The following ERC2 variants were observed in gnomAD, a reference collection of about 807,000 sequenced individuals.
ERC2 encodes the protein ERC protein 2.
ERC2 carries 42 observed loss-of-function variants against 114.8 expected under a neutral mutation model. The observed-to-expected ratio is 0.37, with a 90% CI of 0.29 to 0.47. The LOEUF is 0.47. Among genes scored for constraint, ERC2 ranks in the 20% least tolerant of loss-of-function variants. The probability of loss-of-function intolerance (pLI) is 0.99; values close to 1 mark genes in which losing one functional copy is unlikely to be tolerated. For missense variants in ERC2, 939 were observed against 1,150.7 expected, an observed-to-expected ratio of 0.82 and a Z score of 2.66; for synonymous variants, 454 against 425.5, an observed-to-expected ratio of 1.07 and a Z score of -0.82.
At chr3:56,027,179 T>C (rs572958390) in intron 7 of ERC2, among the ~76,000 whole-genome samples, 2 of 152,306 alleles carry the variant, frequency 1.3e-5, no homozygotes, top group East Asian at 1.9e-4. Flanking sequence ...AGGTATTCCA[T>C]GGCATGGATA....
At chr3:55,684,797 A>G (rs1415711329) in intron 16 of ERC2, among the ~76,000 whole-genome samples, 1 of 152,208 alleles carries the variant, frequency 6.6e-6, no homozygotes, top group African/African-American at 2.4e-5. Flanking sequence ...GTTTACTGCA[A>G]GGATTGAAAC....
intron 3 of ERC2, among the ~76,000 whole-genome samples, chr3:56,174,179 C>T (rs992461114): frequency 1.3e-5 from 2 of 152,120 alleles, no homozygotes; most frequent in Non-Finnish European, 2.9e-5. Context: ...CAGATGTGGA[C>T]CCAAAAACCC....
intron 6 of ERC2, among the ~76,000 whole-genome samples, chr3:56,088,056 C>T (rs17825171): frequency 0.18 from 27,135 of 152,082 alleles, 2,582 homozygotes; most frequent in African/African-American, 0.23. Context: ...GCTGTGTTTT[C>T]TTCAGGAAAT....
chr3:55,652,233 T>C (rs1314915171), intron 17 of ERC2, among the ~76,000 whole-genome samples: 1 of 152,230 alleles, frequency 6.6e-6, no homozygotes, highest in Non-Finnish European at 1.5e-5. Flanking sequence ...CATCTACAAC[T>C]GGAAAGCAGG....
At chr3:56,066,813 C>T (rs540072939) in intron 7 of ERC2, among the ~76,000 whole-genome samples, 37 of 152,274 alleles carry the variant, frequency 2.4e-4, no homozygotes, top group African/African-American at 8.4e-4. Context: ...GGAATCTTTT[C>T]CCCATTGCTT....
At chr3:55,957,242 T>C (rs1352347798) in intron 12 of ERC2, among the ~76,000 whole-genome samples, 1 of 152,110 alleles carries the variant, frequency 6.6e-6, no homozygotes, top group Non-Finnish European at 1.5e-5. Context: ...CCTGATAAAA[T>C]GGTTGAATCA....
intron 1 of ERC2, among the ~76,000 whole-genome samples, chr3:56,443,064 G>C (rs2062391738): frequency 1.3e-5 from 2 of 152,146 alleles, no homozygotes; most frequent in Non-Finnish European, 2.9e-5. Context: ...ATAATGACTA[G>C]TTGAAGTTTC....
intron 16 of ERC2, among the ~76,000 whole-genome samples, chr3:55,698,448 A>G (rs1399317470): frequency 6.6e-6 from 1 of 152,190 alleles, no homozygotes; most frequent in Non-Finnish European, 1.5e-5. Flanking sequence ...TTTTCGGAGC[A>G]TCACAAGTAC....
intron 17 of ERC2, among the ~76,000 whole-genome samples, chr3:55,600,849 T>C (rs1214952151): frequency 6.6e-6 from 1 of 152,230 alleles, no homozygotes; most frequent in Admixed American, 6.5e-5. Context: ...CCTGGGCAAG[T>C]ACCCACGTGG....
At chr3:55,535,886 C>G (rs1480274360) in intron 17 of ERC2, among the ~76,000 whole-genome samples, 1 of 152,068 alleles carries the variant, frequency 6.6e-6, no homozygotes, top group Non-Finnish European at 1.5e-5. Context: ...CCCAGCTACT[C>G]AGGAGGCTGA....
At chr3:55,803,348 G>A (rs895331853) in intron 14 of ERC2, among the ~76,000 whole-genome samples, 17 of 152,056 alleles carry the variant, frequency 1.1e-4, no homozygotes, top group Middle Eastern at 3.4e-3. Flanking sequence ...TAAACATAAC[G>A]ATGAAAATTT....
At chr3:56,195,441 A>C (rs1196566085) in intron 3 of ERC2, among the ~76,000 whole-genome samples, 1 of 152,062 alleles carries the variant, frequency 6.6e-6, no homozygotes, top group African/African-American at 2.4e-5. Flanking sequence ...AAAATCGTGG[A>C]TAAGGGGGAA....
At chr3:55,884,080 G>A (rs915498416) in intron 14 of ERC2, among the ~76,000 whole-genome samples, 1 of 152,160 alleles carries the variant, frequency 6.6e-6, no homozygotes, top group Non-Finnish European at 1.5e-5. Flanking sequence ...AATGGTTGAA[G>A]GATATGAGAA....
intron 1 of ERC2, among the ~76,000 whole-genome samples, chr3:56,449,917 T>C (rs561975741): frequency 1.1e-4 from 17 of 152,346 alleles, no homozygotes; most frequent in Admixed American, 3.9e-4. Flanking sequence ...TGTCAGACAC[T>C]TTGGAGTCAA....
intron 14 of ERC2, among the ~76,000 whole-genome samples, chr3:55,845,658 A>C (rs1177882473): frequency 1.3e-5 from 2 of 152,220 alleles, no homozygotes; most frequent in East Asian, 3.8e-4. Flanking sequence ...AAACCTTGCC[A>C]TTTGAATTAC....
intron 17 of ERC2, among the ~76,000 whole-genome samples, chr3:55,556,106 A>G (rs2055587500): frequency 6.6e-6 from 1 of 152,166 alleles, no homozygotes; most frequent in Non-Finnish European, 1.5e-5. Context: ...AAACATTTCA[A>G]TTTGGCTGAG....
chr3:55,525,843 T>C (rs1424954098), intron 17 of ERC2, among the ~76,000 whole-genome samples: 2 of 152,220 alleles, frequency 1.3e-5, no homozygotes, highest in Non-Finnish European at 2.9e-5. Context: ...GGGGACTACA[T>C]AACCTTTCCT....
At chr3:55,717,070 GA>G (rs370446382) in intron 15 of ERC2, among the ~76,000 whole-genome samples, 29 of 152,078 alleles carry the variant, frequency 1.9e-4, no homozygotes, top group African/African-American at 6.3e-4. Flanking sequence ...AGTGAAGGAG[GA>G]AAAAAAGCTT....
At chr3:55,568,061 A>G (rs1299766415) in intron 17 of ERC2, among the ~76,000 whole-genome samples, 3 of 152,208 alleles carry the variant, frequency 2.0e-5, no homozygotes, top group Non-Finnish European at 4.4e-5. Context: ...GATGCTGTAT[A>G]TTAAAATAGT....
Sources: allele counts gnomAD v4.1 joint callset (sites outside exome capture counted in the v4.1 genomes callset), GRCh38; gene constraint gnomAD v4.1.1; transcripts MANE v1.5; gene names NCBI Gene and HGNC (gene_info 2026-07-23, HGNC 2026-07-21).